The following ZHX3 variants were observed in gnomAD, a reference collection of about 807,000 sequenced individuals.
ZHX3 encodes the protein zinc fingers and homeoboxes 3.
Under a neutral mutation model 64.5 loss-of-function variants are expected in ZHX3, and 20 were observed. The ratio of observed to expected loss-of-function variants is 0.31; its 90% confidence interval spans 0.22 to 0.45. The LOEUF is 0.45. Ranked by LOEUF, ZHX3 falls within the 20% of genes least tolerant of loss-of-function variation. The pLI is 1.00. For missense variants in ZHX3, 1,041 were observed against 1,195.8 expected, an observed-to-expected ratio of 0.87 and a Z score of 1.91; for synonymous variants, 423 against 461.6, an observed-to-expected ratio of 0.92 and a Z score of 1.07.
chr20:41,258,114 G>A (rs974184793), intron 2 of ZHX3, among the ~76,000 whole-genome samples: 6 of 151,486 alleles, frequency 4.0e-5, no homozygotes, highest in Non-Finnish European at 5.9e-5. Flanking sequence ...TGGCCAGGCT[G>A]GTCTCAAACT....
At chr20:41,257,598 GTTTTC>G (rs1402480587) in intron 2 of ZHX3, among the ~76,000 whole-genome samples, 4 of 147,536 alleles carry the variant, frequency 2.7e-5, no homozygotes, top group South Asian at 2.1e-4. Flanking sequence ...GTCAGGATTT[GTTTTC>G]TTTTCTTTCT....
intron 1 of ZHX3, among the ~76,000 whole-genome samples, chr20:41,277,685 G>A (rs978677989): frequency 7.3e-5 from 11 of 149,940 alleles, no homozygotes; most frequent in African/African-American, 1.7e-4. Context: ...TCCGCCTCCC[G>A]GGTTCATGCC....
chr20:41,246,091 T>C (rs1450661001), intron 2 of ZHX3, among the ~76,000 whole-genome samples: 2 of 152,228 alleles, frequency 1.3e-5, no homozygotes, highest in Non-Finnish European at 2.9e-5. Flanking sequence ...CTTTTGCATC[T>C]CCTTTCCTAG....
chr20:41,286,802 C>G (rs1045099187), intron 1 of ZHX3, among the ~76,000 whole-genome samples: 1 of 152,152 alleles, frequency 6.6e-6, no homozygotes, highest in Admixed American at 6.5e-5. Context: ...AAAGGAGGGA[C>G]CTGGTGGGAG....
chr20:41,237,181 C>T (rs1166104570), intron 2 of ZHX3, among the ~76,000 whole-genome samples: 1 of 152,160 alleles, frequency 6.6e-6, no homozygotes, highest in Non-Finnish European at 1.5e-5. Flanking sequence ...TAAACTAGTT[C>T]AACCATTGTG....
chr20:41,262,535 A>G (rs2146573485), intron 2 of ZHX3, among the ~76,000 whole-genome samples: 1 of 152,086 alleles, frequency 6.6e-6, no homozygotes, highest in East Asian at 1.9e-4. Flanking sequence ...CTCACCAAAC[A>G]CCACTCCCTC....
chr20:41,195,507 C>G lies in ZHX3; in HGVS notation c.2860+6550G>C, dbSNP rs1300493325. Among the ~76,000 whole-genome samples, 1 of 152,198 alleles carries G rather than the reference C, an allele frequency of 6.6e-6. No homozygotes were observed. The highest frequency in any genetic ancestry group is 2.4e-5 in the African/African-American group (1 of 41,442). On this transcript the variant is annotated intron_variant, in intron 3 of 3. Transcript: ENST00000683867. This position sits in a 1 kb window ranked among gnomAD's most constrained non-coding sequence, Gnocchi z 4.2. ...CTCAGTTCACTGCAACCTCTGCCTC[C>G]TGGGTTCAAATTATTCTCCTGCCTC... is the stretch of plus-strand genomic sequence containing the variant.
rs1258328053 is a variant in ZHX3, at chr20:41,201,314, T to C, written c.2860+743A>G. 7.7e-7 allele frequency: 1 copy of C among 1,304,336 alleles called. No individual in the cohort carries two copies. Among genetic ancestry groups the C allele is most frequent in the Non-Finnish European group, 1.0e-6 (1 of 988,962 alleles). The allele number at this position is 1,304,336 out of a possible 1,614,324, so 80.8% of individuals were successfully genotyped here. A position where few individuals can be genotyped will look rare whatever the true frequency, so the allele number is the denominator to read the frequency against. On this transcript the variant is annotated intron_variant, in intron 3 of 3. Coordinates refer to ENST00000683867, the MANE Select transcript of ZHX3 (RefSeq NM_001384317.1). This position sits in a 1 kb window ranked among gnomAD's most constrained non-coding sequence, Gnocchi z 5.0. Reference sequence around the variant, plus strand: ...AGCTTCTGGCTGCCCTCTGATGGGGTCTCTAATGAGAACACAAATGTCAAA... The same window carrying C: ...AGCTTCTGGCTGCCCTCTGATGGGGCCTCTAATGAGAACACAAATGTCAAA...
chr20:41,311,680 AC>A (rs1371328462), intron 1 of ZHX3, among the ~76,000 whole-genome samples: 1 of 152,186 alleles, frequency 6.6e-6, no homozygotes, highest in Non-Finnish European at 1.5e-5. Context: ...TCCTAATTCC[AC>A]CATATTCTTA....
At chr20:41,213,538 T>G (rs2039312403) in intron 2 of ZHX3, among the ~76,000 whole-genome samples, 1 of 152,130 alleles carries the variant, frequency 6.6e-6, no homozygotes, top group Non-Finnish European at 1.5e-5. Context: ...ACCTACTACC[T>G]GGAAGTAGCA....
chr20:41,244,043 C>A (rs942733780), intron 2 of ZHX3, among the ~76,000 whole-genome samples: 4 of 152,016 alleles, frequency 2.6e-5, no homozygotes, highest in African/African-American at 9.7e-5. Context: ...CTAGATAATC[C>A]TATGTGCTGG....
intron 2 of ZHX3, among the ~76,000 whole-genome samples, chr20:41,225,002 C>G (rs1421113126): frequency 6.6e-6 from 1 of 152,188 alleles, no homozygotes; most frequent in African/African-American, 2.4e-5. Flanking sequence ...GGCCTATATC[C>G]ACTGTTTCCG....
chr20:41,313,956 A>G (rs1400867370), intron 1 of ZHX3, among the ~76,000 whole-genome samples: 2 of 152,072 alleles, frequency 1.3e-5, no homozygotes, highest in African/African-American at 2.4e-5. Flanking sequence ...CACCACCACT[A>G]CCAACTTCTT....
chr20:41,271,325 G>GT (rs912781333), intron 1 of ZHX3, among the ~76,000 whole-genome samples: 5 of 152,000 alleles, frequency 3.3e-5, no homozygotes, highest in South Asian at 2.1e-4. Flanking sequence ...GCCTACAAAA[G>GT]TTTTTTTTAG....
intron 1 of ZHX3, among the ~76,000 whole-genome samples, chr20:41,292,059 A>C (rs1600647987): frequency 1.3e-5 from 2 of 149,676 alleles, no homozygotes; most frequent in South Asian, 4.2e-4. Flanking sequence ...TTCAATTACT[A>C]TTAATACATC....
intron 3 of ZHX3, chr20:41,188,287 T>C (rs991290858): frequency 3.3e-5 from 5 of 152,226 alleles, no homozygotes; most frequent in African/African-American, 1.2e-4. Context: ...ATTGTGGTTT[T>C]GATTTGTATT....
chr20:41,210,411 G>A (rs1169420902), intron 2 of ZHX3, among the ~76,000 whole-genome samples: 11 of 152,208 alleles, frequency 7.2e-5, no homozygotes, highest in Admixed American at 1.3e-4. Flanking sequence ...TGTTTATTGC[G>A]GCACTATTCA....
At chr20:41,290,404 C>T (rs2044172058) in intron 1 of ZHX3, 1 of 152,274 alleles carries the variant, frequency 6.6e-6, no homozygotes, top group South Asian at 2.1e-4. Flanking sequence ...GTTCACTCCT[C>T]CTTAGGCAAC....
At chr20:41,250,220 G>A (rs1332972913) in intron 2 of ZHX3, among the ~76,000 whole-genome samples, 1 of 152,110 alleles carries the variant, frequency 6.6e-6, no homozygotes, top group Non-Finnish European at 1.5e-5. Context: ...TAAACCAAGT[G>A]GACCAAAAGA....
Sources: gnomAD v4.1 joint callset for allele counts (sites outside exome capture counted in the v4.1 genomes callset) on GRCh38, gnomAD v4.1.1 for gene constraint, Gnocchi (gnomAD v3.1) non-coding constraint, MANE v1.5 for transcripts, NCBI Gene and HGNC (gene_info 2026-07-23, HGNC 2026-07-21) for gene names.